Variants in COP1 observed in about 807,000 individuals in gnomAD.
The protein encoded by COP1 is E3 ubiquitin-protein ligase COP1.
In COP1, 24 loss-of-function variants were observed where a neutral mutation model predicts 101.3. The ratio of observed to expected loss-of-function variants is 0.24; its 90% CI spans 0.17 to 0.33. COP1 has a LOEUF of 0.33. Ranked by LOEUF, COP1 falls within the 10% of genes least tolerant of loss-of-function variation. The probability of loss-of-function intolerance (pLI) is 1.00; values close to 1 mark genes in which losing one functional copy is unlikely to be tolerated. For missense variants in COP1, 663 were observed against 906.2 expected (o/e 0.73, Z 3.45); for synonymous variants, 347 against 341.9 (o/e 1.01, Z -0.17).
chr1:176,052,491 A>C (rs1458000934), intron 11 of COP1, among the ~76,000 whole-genome samples: 2 of 152,184 alleles, frequency 1.3e-5, no homozygotes, highest in Non-Finnish European at 2.9e-5. Context: ...AATTAGGATA[A>C]ATTTCCAAAC....
Position 176,084,714 on chromosome 1 carries a change from T to C in COP1, c.1141+1062A>G, listed in dbSNP as rs552160641. On this transcript the variant is annotated intron_variant, in intron 10 of 19. Coordinates refer to ENST00000367669, the MANE Select transcript of COP1 (RefSeq NM_022457.7). ...GGAAAAATGCTTTGTAAATCTAATA[T>C]ATTTTTTCCTATACCACTAATCGTG... 7.7e-5 allele frequency among the ~76,000 whole-genome samples: 11 copies of C among 142,338 alleles called. 1 individual carries two copies. The East Asian group carries it at 2.0e-3, about 26-fold the overall frequency. 93.4% of individuals were successfully genotyped at this position (142,338 alleles called of 152,430 possible).
chr1:176,075,288 G>T (rs140859242), intron 11 of COP1, among the ~76,000 whole-genome samples: 2 of 152,104 alleles, frequency 1.3e-5, no homozygotes, highest in African/African-American at 4.8e-5. Context: ...ACAGCTGACA[G>T]AATACAATAA....
chr1:175,977,922 A>G (rs989586830), intron 18 of COP1, among the ~76,000 whole-genome samples: 3 of 152,108 alleles, frequency 2.0e-5, no homozygotes. Context: ...ATAATATCCA[A>G]TATTCACTTT....
At chr1:176,152,658 G>C (rs1251946154) in intron 5 of COP1, among the ~76,000 whole-genome samples, 1 of 152,104 alleles carries the variant, frequency 6.6e-6, no homozygotes, top group African/African-American at 2.4e-5. Context: ...ATGTTGGCCA[G>C]GCTGGTCTCG....
intron 15 of COP1, among the ~76,000 whole-genome samples, chr1:176,004,573 T>C (rs1369245280): frequency 6.6e-6 from 1 of 152,200 alleles, no homozygotes; most frequent in East Asian, 1.9e-4. Context: ...GGTTGTTGCA[T>C]TTTGTTGAAG....
At chr1:176,184,738 G>T in intron 1 of COP1, 46 bp from the exon 2 acceptor site, 1 of 1,409,458 alleles carries the variant, frequency 7.1e-7, no homozygotes. Flanking sequence ...AAAGTAGAGT[G>T]ATTACAAATT....
chr1:176,127,068 AAC>A (rs1459492028), intron 8 of COP1, among the ~76,000 whole-genome samples: 1 of 152,158 alleles, frequency 6.6e-6, no homozygotes, highest in East Asian at 1.9e-4. Flanking sequence ...CCCAGCGCCT[AAC>A]AGTGTTTTTT....
chr1:176,176,771 G>A (rs984698039), intron 2 of COP1, among the ~76,000 whole-genome samples: 1 of 152,062 alleles, frequency 6.6e-6, no homozygotes, highest in Non-Finnish European at 1.5e-5. Flanking sequence ...TTATGCCAGT[G>A]CACTCCAGCC....
At chr1:176,049,577 CCCCTCAAA>C (rs1474847536) in intron 11 of COP1, among the ~76,000 whole-genome samples, 1 of 151,930 alleles carries the variant, frequency 6.6e-6, no homozygotes, top group East Asian at 1.9e-4. Context: ...ACAGGTCCCC[CCCCTCAAA>C]CCACCTTTTT....
intron 9 of COP1, among the ~76,000 whole-genome samples, chr1:176,088,785 C>T (rs767585143): frequency 5.7e-4 from 86 of 150,872 alleles, no homozygotes; most frequent in South Asian, 8.4e-4. Flanking sequence ...CACCTGAGGT[C>T]GGCAGTTCAA....
chr1:176,056,637 TTA>T (rs1398379797), intron 11 of COP1, among the ~76,000 whole-genome samples: 1 of 152,196 alleles, frequency 6.6e-6, no homozygotes, highest in Admixed American at 6.5e-5. Flanking sequence ...GATTTGTGGT[TTA>T]TGTTATAATC....
At chr1:176,028,329 C>T (rs947318136) in intron 14 of COP1, among the ~76,000 whole-genome samples, 4 of 151,842 alleles carry the variant, frequency 2.6e-5, no homozygotes, top group Non-Finnish European at 5.9e-5. Flanking sequence ...CTTTGGGAGG[C>T]TGAGGCAGCA....
rs35637870 is a variant in COP1, at chr1:176,042,730, C to CA, written c.1612+455dup. Among the ~76,000 whole-genome samples, 198 of 49,536 alleles carry CA rather than the reference C, an allele frequency of 4.0e-3. 1 individual carries two copies. The highest frequency in any genetic ancestry group is 0.013 in the Middle Eastern group (1 of 80). The allele number at this position is 49,536 out of a possible 152,430, so 32.5% of individuals were successfully genotyped here. A position where few individuals can be genotyped will look rare whatever the true frequency, so the allele number is the denominator to read the frequency against. On this transcript the variant is annotated intron_variant, in intron 14 of 19. Transcript: ENST00000367669. ...TGGGCGACACAGTGAAACTCTATCTCAAAAAAAAAAAAAAAAAAAAAAAGT... is the reference window on the plus strand; with the variant it reads ...TGGGCGACACAGTGAAACTCTATCTCAAAAAAAAAAAAAAAAAAAAAAAAGT...
chr1:176,024,086 T>C (rs538890346), intron 15 of COP1, among the ~76,000 whole-genome samples: 2 of 152,210 alleles, frequency 1.3e-5, no homozygotes, highest in East Asian at 3.9e-4. Context: ...GGTGAAACCC[T>C]GTCTCTACTA....
intron 18 of COP1, among the ~76,000 whole-genome samples, chr1:175,963,643 T>C (rs975373653): frequency 1.3e-5 from 2 of 152,172 alleles, no homozygotes; most frequent in Admixed American, 1.3e-4. Flanking sequence ...GATGTGTTTG[T>C]TTATGGTCTT....
At position 175,965,946 on chromosome 1, in the gene COP1, C is replaced by T. The variant is rs79545531; in HGVS notation, c.2134-18707G>A. On this transcript the variant is annotated intron_variant, in intron 18 of 19. Coordinates refer to ENST00000367669, the MANE Select transcript of COP1 (RefSeq NM_022457.7). ...TGACCGGAGTGTTTCTTTACTTTATCCTAGACATAAATCTACGCTGCATTT... is the reference window on the plus strand; with the variant it reads ...TGACCGGAGTGTTTCTTTACTTTATTCTAGACATAAATCTACGCTGCATTT... Among the ~76,000 whole-genome samples, 398 of 152,228 alleles carry T rather than the reference C, an allele frequency of 2.6e-3. 3 individuals carry two copies. The highest frequency in any genetic ancestry group is 9.1e-3 in the African/African-American group (378 of 41,530).
chr1:176,139,322 G>A (rs1350157762), intron 6 of COP1, among the ~76,000 whole-genome samples: 2 of 151,782 alleles, frequency 1.3e-5, no homozygotes, highest in African/African-American at 4.8e-5. Context: ...ATGCTGGTGA[G>A]GCTGCAGAGA....
chr1:176,048,237 C>T (rs1295342360), intron 11 of COP1, among the ~76,000 whole-genome samples: 1 of 125,794 alleles, frequency 7.9e-6, no homozygotes, highest in African/African-American at 2.9e-5. Flanking sequence ...CTCACTATGT[C>T]GCCTGGGCTG....
chr1:175,956,488 A>G (rs551972766), intron 18 of COP1, among the ~76,000 whole-genome samples: 1 of 152,206 alleles, frequency 6.6e-6, no homozygotes, highest in Non-Finnish European at 1.5e-5. Flanking sequence ...AACATGTACA[A>G]TAAAGGAAAA....
Sources: allele counts gnomAD v4.1 joint callset (sites outside exome capture counted in the v4.1 genomes callset), GRCh38; gene constraint gnomAD v4.1.1; transcripts MANE v1.5; gene names NCBI Gene and HGNC (gene_info 2026-07-23, HGNC 2026-07-21).